CUL3: variants seen among roughly 807,000 people sequenced by gnomAD.
CUL3 encodes the protein cullin-3.
In CUL3, 19 loss-of-function variants were observed where a neutral mutation model predicts 89.1. The observed-to-expected ratio is 0.21, with a 90% CI of 0.15 to 0.31. The LOEUF (loss-of-function observed/expected upper bound fraction) is 0.31, where lower values mean the gene tolerates loss of function less well. CUL3 is among the 10% of genes least tolerant of loss of function. The pLI, the probability that CUL3 is intolerant of heterozygous loss-of-function variation, is 1.00. For missense variants in CUL3, 469 were observed against 942.3 expected (o/e 0.50, Z 6.58); for synonymous variants, 351 against 308.4 (o/e 1.14, Z -1.45).
At chr2:224,547,726 T>C (rs188781507) in intron 2 of CUL3, among the ~76,000 whole-genome samples, 83 of 152,250 alleles carry the variant, frequency 5.5e-4, no homozygotes, top group African/African-American at 1.9e-3. Context: ...TCATTATATA[T>C]TGTATATATA....
chr2:224,509,153 C>G (rs1692717120), intron 6 of CUL3, among the ~76,000 whole-genome samples: 1 of 152,122 alleles, frequency 6.6e-6, no homozygotes, highest in South Asian at 2.1e-4. Context: ...AAGAGCAGGG[C>G]CTACCACAAT....
intron 2 of CUL3, among the ~76,000 whole-genome samples, chr2:224,537,518 TATCATTTGTTTCAACTCATTAA>T (rs1460856083): frequency 2.0e-5 from 3 of 152,176 alleles, no homozygotes; most frequent in African/African-American, 2.4e-5. Flanking sequence ...ATGAATAATG[TATCATTTGTTTCAACTCATTAA>T]ATCTAGCACT....
intron 1 of CUL3, among the ~76,000 whole-genome samples, chr2:224,577,728 GA>G: frequency 6.6e-6 from 1 of 152,246 alleles, no homozygotes; most frequent in East Asian, 1.9e-4. Context: ...ATTCTCTACA[GA>G]CTATTCATAG....
intron 14 of CUL3, among the ~76,000 whole-genome samples, chr2:224,480,633 A>C (rs535273495): frequency 6.6e-6 from 1 of 152,160 alleles, no homozygotes; most frequent in Non-Finnish European, 1.5e-5. Flanking sequence ...GACATGATAG[A>C]ATCTGGGATA....
intron 1 of CUL3, among the ~76,000 whole-genome samples, chr2:224,567,334 C>G (rs1286811531): frequency 2.0e-5 from 3 of 152,226 alleles, no homozygotes; most frequent in Non-Finnish European, 4.4e-5. Context: ...CCTTCCGTCT[C>G]AGCCTCCTGA....
chr2:224,479,609 G>A (rs1691454092), intron 14 of CUL3: 1 of 152,098 alleles, frequency 6.6e-6, no homozygotes, highest in South Asian at 2.1e-4. Context: ...AATTTTCTTG[G>A]ATATGATATA....
intron 3 of CUL3, among the ~76,000 whole-genome samples, chr2:224,522,070 T>TAAAAAAAA (rs71062936): frequency 7.5e-6 from 1 of 133,670 alleles, no homozygotes; most frequent in Admixed American, 7.4e-5. Flanking sequence ...CATTTAAAAT[T>TAAAAAAAA]AAAAAAAAAA....
intron 15 of CUL3, among the ~76,000 whole-genome samples, chr2:224,477,006 T>C (rs529892034): frequency 6.6e-6 from 1 of 152,342 alleles, no homozygotes; most frequent in South Asian, 2.1e-4. Context: ...AATGAAAATG[T>C]CTGAGAAAGT....
intron 3 of CUL3, among the ~76,000 whole-genome samples, chr2:224,526,585 CAAAAAAAAAAAAAA>C (rs1166152595): frequency 1.1e-4 from 3 of 26,166 alleles, no homozygotes; most frequent in Admixed American, 4.5e-4. Flanking sequence ...GACTCCGTCT[CAAAAAAAAAAAAAA>C]AAAAAAAAAA....
chr2:224,569,420 AAG>A (rs1408294363), intron 1 of CUL3, among the ~76,000 whole-genome samples: 3 of 152,216 alleles, frequency 2.0e-5, no homozygotes, highest in African/African-American at 7.2e-5. Flanking sequence ...AAATATAATT[AAG>A]GATTCTTAAA....
At chr2:224,561,992 T>C (rs1172884458) in intron 1 of CUL3, among the ~76,000 whole-genome samples, 1 of 152,248 alleles carries the variant, frequency 6.6e-6, no homozygotes, top group African/African-American at 2.4e-5. Flanking sequence ...TGCTAATAGC[T>C]GAGCAAAACA....
chr2:224,494,494 C>T (rs1355841765), intron 13 of CUL3, among the ~76,000 whole-genome samples: 1 of 151,740 alleles, frequency 6.6e-6, no homozygotes, highest in Non-Finnish European at 1.5e-5. Context: ...AAGATGGGTG[C>T]AAAGAGAAAA....
In CUL3 at chr2:224,579,826, G is replaced by A. The variant is rs570225797; in HGVS notation, c.66+5118C>T. ...CAGGTTTCCCAAACTCTGAAGGCTAGGCCAAGAAAGGCTTTATTACCGTTT... is the reference window on the plus strand; with the variant it reads ...CAGGTTTCCCAAACTCTGAAGGCTAAGCCAAGAAAGGCTTTATTACCGTTT... On this transcript the variant is annotated intron_variant, in intron 1 of 15. Coordinates refer to ENST00000264414, the MANE Select transcript of CUL3 (RefSeq NM_003590.5). Among the ~76,000 whole-genome samples the A allele has an allele frequency of 2.6e-4, 40 of 152,316 alleles. No individual in the cohort carries two copies. In the South Asian group the frequency reaches 6.6e-3, roughly 25 times the overall value.
At chr2:224,490,334 C>G (rs1444387131) in intron 13 of CUL3, among the ~76,000 whole-genome samples, 2 of 152,214 alleles carry the variant, frequency 1.3e-5, no homozygotes, top group Non-Finnish European at 2.9e-5. Flanking sequence ...CCCTCTCTCT[C>G]TGCCTCGGCT....
At chr2:224,583,570 T>A (rs1189465329) in intron 1 of CUL3, among the ~76,000 whole-genome samples, 1 of 152,200 alleles carries the variant, frequency 6.6e-6, no homozygotes, top group Admixed American at 6.5e-5. Flanking sequence ...AGAAAAAAGT[T>A]TGAAACATTC....
chr2:224,532,885 C>T (rs1290392738), intron 3 of CUL3: 3 of 152,132 alleles, frequency 2.0e-5, no homozygotes, highest in African/African-American at 4.8e-5. Flanking sequence ...GGACACCACC[C>T]TCCACTAAAA....
intron 13 of CUL3, 56 bp downstream of exon 13, chr2:224,495,776 T>G (rs1692149375): frequency 2.1e-6 from 3 of 1,459,676 alleles, no homozygotes; most frequent in Non-Finnish European, 2.8e-6. Context: ...AAGACTCAAG[T>G]AACAAGTGAG....
intron 2 of CUL3, among the ~76,000 whole-genome samples, chr2:224,541,855 CTA>C (rs1694118727): frequency 6.6e-6 from 1 of 150,856 alleles, no homozygotes; most frequent in South Asian, 2.1e-4. Context: ...AAATCCAAAA[CTA>C]TAGTGTTAAG....
chr2:224,505,520 T>G (rs1692567051), intron 8 of CUL3, among the ~76,000 whole-genome samples: 1 of 152,214 alleles, frequency 6.6e-6, no homozygotes, highest in Non-Finnish European at 1.5e-5. Context: ...ACTGCAGCCT[T>G]GAACTCCTGA....
Sources: gnomAD v4.1 joint callset for allele counts (sites outside exome capture counted in the v4.1 genomes callset) on GRCh38, gnomAD v4.1.1 for gene constraint, MANE v1.5 for transcripts, NCBI Gene and HGNC (gene_info 2026-07-23, HGNC 2026-07-21) for gene names.